The following TTC19 variants were observed in gnomAD, a reference collection of about 807,000 sequenced individuals.
TTC19 encodes tetratricopeptide repeat domain 19, also known as tetratricopeptide repeat protein 19, mitochondrial.
Under a neutral mutation model 49.5 loss-of-function variants are expected in TTC19, and 38 were observed. The ratio of observed to expected loss-of-function variants is 0.77; its 90% CI spans 0.59 to 1.01. The LOEUF (loss-of-function observed/expected upper bound fraction) is 1.01, where lower values mean the gene tolerates loss of function less well. Among genes scored for constraint, TTC19 ranks in the 50% least tolerant of loss-of-function variants. TTC19 has a pLI of 0.00. For missense variants in TTC19, 475 were observed against 477.7 expected, an observed-to-expected ratio of 0.99 and a Z score of 0.05; for synonymous variants, 204 against 185.2, an observed-to-expected ratio of 1.10 and a Z score of -0.83.
chr17:16,043,519 C>A (rs2058114223), intron 2 of TTC19, among the ~76,000 whole-genome samples: 1 of 152,188 alleles, frequency 6.6e-6, no homozygotes, highest in South Asian at 2.1e-4. Flanking sequence ...AGAATAGAGA[C>A]CATGTGGCAT....
At chr17:16,042,733 ATGGTAACTGTTAACTG>A (rs1275190059) in intron 2 of TTC19, among the ~76,000 whole-genome samples, 1 of 152,218 alleles carries the variant, frequency 6.6e-6, no homozygotes. Flanking sequence ...GGCCAGAGTA[ATGGTAACTGTTAACTG>A]TGGTAGGGAA....
At chr17:16,000,077 G>T in intron 1 of TTC19, 41 bp from the exon 2 acceptor site, 1 of 1,367,782 alleles carries the variant, frequency 7.3e-7, no homozygotes, top group South Asian at 1.7e-5. Flanking sequence ...GGGGACAGGG[G>T]CGCGGGCCGG....
chr17:16,017,588 C>T (rs1188493754), intron 7 of TTC19, among the ~76,000 whole-genome samples: 17 of 151,472 alleles, frequency 1.1e-4, no homozygotes, highest in Non-Finnish European at 1.9e-4. Context: ...AGTGAAACCC[C>T]GTCTCTACTA....
At chr17:16,002,928 G>A in intron 4 of TTC19, 97 bp downstream of exon 4, 1 of 1,147,104 alleles carries the variant, frequency 8.7e-7, no homozygotes, top group East Asian at 2.4e-5. Context: ...ATAACAAAGA[G>A]ACCCTAGAAT....
intron 2 of TTC19, chr17:16,041,130 G>A (rs1027645845): frequency 1.3e-5 from 2 of 152,168 alleles, no homozygotes; most frequent in African/African-American, 4.8e-5. Context: ...ATGGCTAACT[G>A]GAAACTCAGG....
rs774007482 is a variant in TTC19, at chr17:16,026,523, TTTTC to T, written c.832-13_832-10del. 4.8e-5 allele frequency: 78 copies of T among 1,613,468 alleles called. No homozygotes were observed. In the East Asian group the frequency reaches 1.5e-3, roughly 32 times the overall value. On this transcript the variant is annotated splice_polypyrimidine_tract_variant and intron_variant, in intron 8 of 9. Transcript: ENST00000261647. ...GCATGTTTTTAAAGAAAAAATTGTT[TTTTC>T]TTTTACATACAGACCATTGTGCTGA... is the stretch of plus-strand genomic sequence containing the variant.
At chr17:16,034,986 C>T (rs1238686253) in intron 2 of TTC19, 2 of 1,575,702 alleles carry the variant, frequency 1.3e-6, no homozygotes, top group South Asian at 2.3e-5. Flanking sequence ...ATATTAAGTT[C>T]TCAAAAATTA....
At chr17:16,040,447 T>C in intron 2 of TTC19, 1 of 1,613,734 alleles carries the variant, frequency 6.2e-7, no homozygotes. Context: ...TTACCTGACG[T>C]AGTAACTGCT....
At position 16,036,363 on chromosome 17, in the gene TTC19, G is replaced by A. The variant is rs556889330; in HGVS notation, c.248-8140G>A. 1.6e-4 allele frequency among the ~76,000 whole-genome samples: 25 copies of A among 152,302 alleles called. 1 individual carries two copies. The South Asian group carries it at 4.8e-3, about 29-fold the overall frequency. ...TTTGTTCCATTTCTAGAGCACAGGC[G>A]AGTAGACCAAGCATAATTCTTAAGT... On this transcript the variant is annotated intron_variant, in intron 2 of 2. Transcript: ENST00000470649.
intron 2 of TTC19, among the ~76,000 whole-genome samples, chr17:16,038,005 C>T (rs926622237): frequency 3.3e-5 from 5 of 152,164 alleles, no homozygotes; most frequent in African/African-American, 1.2e-4. Flanking sequence ...AACACACACA[C>T]TTAAAGCCAA....
At chr17:16,014,134 C>T (rs1299632843) in intron 7 of TTC19, among the ~76,000 whole-genome samples, 1 of 152,180 alleles carries the variant, frequency 6.6e-6, no homozygotes, top group African/African-American at 2.4e-5. Context: ...ATGACAGTGT[C>T]CAGAGGAAAA....
chr17:16,003,731 A>G, intron 4 of TTC19, 100 bp from the exon 5 acceptor site: 6 of 1,107,166 alleles, frequency 5.4e-6, no homozygotes, highest in South Asian at 2.7e-5. Flanking sequence ...TGGGTTTTAC[A>G]AGGAATGTTG....
At chr17:16,043,364 A>T (rs2058083157) in intron 2 of TTC19, among the ~76,000 whole-genome samples, 1 of 152,172 alleles carries the variant, frequency 6.6e-6, no homozygotes, top group Non-Finnish European at 1.5e-5. Context: ...TGGTTCTTTA[A>T]TATAAATTCT....
At chr17:16,007,638 C>A (rs1767447108) in intron 7 of TTC19, among the ~76,000 whole-genome samples, 1 of 152,128 alleles carries the variant, frequency 6.6e-6, no homozygotes, top group African/African-American at 2.4e-5. Flanking sequence ...ATAACTGAGA[C>A]TGCTGCTAAG....
At chr17:16,025,438 G>GGACTT (rs1971521706) in intron 8 of TTC19, among the ~76,000 whole-genome samples, 1 of 152,178 alleles carries the variant, frequency 6.6e-6, no homozygotes, top group South Asian at 2.1e-4. Context: ...CTACAGAGCA[G>GGACTT]GACTGGTCAG....
chr17:16,043,237 G>A (rs1414010530), intron 2 of TTC19, among the ~76,000 whole-genome samples: 2 of 152,200 alleles, frequency 1.3e-5, no homozygotes, highest in East Asian at 3.9e-4. Context: ...ATGTCCTTGG[G>A]AACACTGGAT....
At chr17:16,002,508 A>G (rs1597449527) in intron 3 of TTC19, 1 of 470,906 alleles carries the variant, frequency 2.1e-6, no homozygotes, top group South Asian at 2.1e-5. Flanking sequence ...TTGGGGTGAC[A>G]TAAGACCTCT....
chr17:16,030,665 G>C (rs1213483764), downstream of TTC19: 1 of 180,340 alleles, frequency 5.5e-6, no homozygotes, highest in African/African-American at 2.4e-5. Flanking sequence ...GGGACCTCAG[G>C]TATACAGGAG....
chr17:16,027,612 T>C lies in TTC19; in HGVS notation c.*90T>C. 6.7e-7 allele frequency: 1 copy of C among 1,493,660 alleles called. No individual in the cohort carries two copies. Among genetic ancestry groups the C allele is most frequent in the East Asian group, 2.3e-5 (1 of 43,260 alleles). 92.5% of individuals were successfully genotyped at this position (1,493,660 alleles called of 1,614,324 possible). A position where few individuals can be genotyped will look rare whatever the true frequency, so the allele number is the denominator to read the frequency against. ...TGTGGCACCCGATCAATGGCTTAAA[T>C]CTGTCGTTTTTGATATTCAGGTTTC... is the stretch of plus-strand genomic sequence containing the variant. On this transcript the variant is annotated 3_prime_UTR_variant, in exon 10 of 10. Coordinates refer to ENST00000261647, the MANE Select transcript of TTC19 (RefSeq NM_017775.4).
Sources: gnomAD v4.1 joint callset for allele counts (sites outside exome capture counted in the v4.1 genomes callset) on GRCh38, gnomAD v4.1.1 for gene constraint, MANE v1.5 for transcripts, NCBI Gene and HGNC (gene_info 2026-07-23, HGNC 2026-07-21) for gene names.